Variants in TEKT5 observed in about 807,000 individuals in gnomAD.
TEKT5 encodes tektin 5.
TEKT5 carries 52 observed loss-of-function variants against 48.7 expected under a neutral mutation model. That is an observed-to-expected ratio of 1.07 (90% CI 0.86 to 1.35). TEKT5 has a LOEUF of 1.35. Ranked by LOEUF, TEKT5 falls within the 40% of genes most tolerant of loss-of-function variation. The pLI, the probability that TEKT5 is intolerant of heterozygous loss-of-function variation, is 0.00. For synonymous variants in TEKT5, 318 were observed against 267.6 expected (o/e 1.19, Z -1.84); for missense variants, 831 against 641.6 (o/e 1.30, Z -3.19).
chr16:10,664,275 G>A (rs989204381), intron 5 of TEKT5, among the ~76,000 whole-genome samples: 1 of 152,124 alleles, frequency 6.6e-6, no homozygotes, highest in African/African-American at 2.4e-5. Context: ...TGCAGGGAGG[G>A]AAGGAAGAGG....
chr16:10,688,417 G>A (rs1260296277), intron 3 of TEKT5, among the ~76,000 whole-genome samples: 1 of 152,234 alleles, frequency 6.6e-6, no homozygotes, highest in Non-Finnish European at 1.5e-5. Context: ...TGCTCCCAGG[G>A]CTGATTTGGA....
At chr16:10,661,658 A>T (rs1280416250) in intron 5 of TEKT5, among the ~76,000 whole-genome samples, 1 of 152,096 alleles carries the variant, frequency 6.6e-6, no homozygotes. Flanking sequence ...AGTAGGAAGG[A>T]CTTGAGAACT....
chr16:10,640,616 C>T (rs761639309), intron 5 of TEKT5, among the ~76,000 whole-genome samples: 3 of 152,048 alleles, frequency 2.0e-5, no homozygotes, highest in Non-Finnish European at 2.9e-5. Context: ...CTTTACAATC[C>T]ATCTCTCCTG....
chr16:10,691,454 G>T, intron 1 of TEKT5: 1 of 152,718 alleles, frequency 6.5e-6, no homozygotes, highest in Non-Finnish European at 1.5e-5. Context: ...CTCTAAGGAG[G>T]AGAAGGACTG....
At chr16:10,689,408 C>A in intron 2 of TEKT5, 85 bp from the exon 3 acceptor site, 1 of 1,215,476 alleles carries the variant, frequency 8.2e-7, no homozygotes, top group Non-Finnish European at 1.2e-6. Flanking sequence ...GCTCTCCCCT[C>A]CCCTCTCACT....
intron 5 of TEKT5, among the ~76,000 whole-genome samples, chr16:10,644,379 C>A (rs536419326): frequency 6.6e-6 from 1 of 152,126 alleles, no homozygotes; most frequent in Admixed American, 6.6e-5. Flanking sequence ...CTCAAAGTGG[C>A]GTTCGCAGAT....
intron 5 of TEKT5, among the ~76,000 whole-genome samples, chr16:10,663,087 G>A (rs2430635): frequency 0.43 from 65,488 of 151,882 alleles, 14,867 homozygotes; most frequent in East Asian, 0.64. Context: ...AAGGGTTGAG[G>A]TCAGCACTGG....
At chr16:10,685,908 C>G (rs1898855348) in intron 3 of TEKT5, among the ~76,000 whole-genome samples, 2 of 152,186 alleles carry the variant, frequency 1.3e-5, no homozygotes, top group African/African-American at 4.8e-5. Flanking sequence ...ATCCCAGTCT[C>G]AGGATTTCTC....
intron 6 of TEKT5, among the ~76,000 whole-genome samples, chr16:10,629,045 G>A (rs1897797358): frequency 6.6e-6 from 1 of 152,072 alleles, no homozygotes; most frequent in Non-Finnish European, 1.5e-5. Flanking sequence ...ATGTCCAGAA[G>A]AGGCAAAGCC....
chr16:10,632,753 C>T (rs1173345165), intron 6 of TEKT5, among the ~76,000 whole-genome samples: 3 of 152,008 alleles, frequency 2.0e-5, no homozygotes, highest in African/African-American at 7.2e-5. Context: ...CAAGGAAGAT[C>T]ATGCACAGAT....
At chr16:10,684,773 G>A (rs544541459) in intron 3 of TEKT5, among the ~76,000 whole-genome samples, 1 of 152,212 alleles carries the variant, frequency 6.6e-6, no homozygotes, top group East Asian at 1.9e-4. Context: ...CACAACCAAG[G>A]GCCAGACCAA....
chr16:10,666,105 G>C (rs566453268), intron 5 of TEKT5, among the ~76,000 whole-genome samples: 1 of 152,324 alleles, frequency 6.6e-6, no homozygotes, highest in East Asian at 1.9e-4. Flanking sequence ...GGGCATGGTG[G>C]TGTGCACCCA....
intron 3 of TEKT5, among the ~76,000 whole-genome samples, chr16:10,682,513 A>T (rs12596265): frequency 0.15 from 22,895 of 152,094 alleles, 1,770 homozygotes; most frequent in Non-Finnish European, 0.18. Flanking sequence ...ATATTTTTGT[A>T]GACATGGTCT....
At chr16:10,658,289 T>C (rs896027101) in intron 5 of TEKT5, among the ~76,000 whole-genome samples, 1 of 152,124 alleles carries the variant, frequency 6.6e-6, no homozygotes, top group Non-Finnish European at 1.5e-5. Context: ...AAAGAGTCCA[T>C]ATGTCCACCA....
At position 10,694,687 on chromosome 16, in the gene TEKT5, T is replaced by A; in HGVS notation, c.187A>T (p.Thr63Ser). The change falls in exon 1 of 7, where the codon ACC (threonine) becomes TCC (serine). Residue 63 changes from threonine to serine, a missense_variant. Thr to Ser is a moderately conservative substitution (Grantham distance 58, BLOSUM62 1). Transcript: ENST00000283025. ...SLFYKIANVQ[T>S]CPDESTSTLR... ...GTACTGGTGCTCTCGTCCGGGCAGG[T>A]CTGGACGTTGGCTATCTTGTAGAAG... is the stretch of plus-strand genomic sequence containing the variant. The A allele has an allele frequency of 6.2e-7, 1 of 1,613,494 alleles. No individual in the cohort carries two copies. The highest frequency in any genetic ancestry group is 1.3e-5 in the African/African-American group (1 of 75,006).
intron 5 of TEKT5, among the ~76,000 whole-genome samples, chr16:10,669,709 T>C (rs1445328638): frequency 6.7e-6 from 1 of 149,610 alleles, no homozygotes. Flanking sequence ...CCAAAAACCA[T>C]ATTTATGCAT....
rs1567237310 is a variant in TEKT5 at position 10,689,969 on chromosome 16, A to G, written c.621T>C (p.His207=). ...REKRIGIDLV[H]DNVEKNLIRE... is the part of the protein sequence containing the mutation. ...GGATAAGGTTTTTCTCCACGTTGTC[A>G]TGGACCAAATCAATCCCAATCCTCT... The change falls in exon 2 of 7, where the codon CAT becomes CAC. Residue 207 remains histidine (H), a synonymous_variant. Transcript: ENST00000283025. 2.5e-6 allele frequency: 4 copies of G among 1,614,060 alleles called. No homozygotes were observed. The highest frequency in any genetic ancestry group is 3.4e-6 in the Non-Finnish European group (4 of 1,180,006).
At chr16:10,646,166 T>C (rs1436942816) in intron 5 of TEKT5, among the ~76,000 whole-genome samples, 8 of 152,110 alleles carry the variant, frequency 5.3e-5, no homozygotes. Flanking sequence ...GATCTGACAT[T>C]CAAGTTTAAA....
chr16:10,639,930 C>T (rs1897966862), intron 5 of TEKT5, among the ~76,000 whole-genome samples: 1 of 152,200 alleles, frequency 6.6e-6, no homozygotes, highest in Non-Finnish European at 1.5e-5. Flanking sequence ...GGCACTGCCT[C>T]ACAGTCTGAT....
Sources: gnomAD v4.1 joint callset for allele counts (sites outside exome capture counted in the v4.1 genomes callset) on GRCh38, gnomAD v4.1.1 for gene constraint, MANE v1.5 for transcripts, NCBI Gene and HGNC (gene_info 2026-07-23, HGNC 2026-07-21) for gene names.